The following DCAF8L2 variants were observed in gnomAD, a reference collection of about 807,000 sequenced individuals.
The protein encoded by DCAF8L2 is DDB1- and CUL4-associated factor 8-like protein 2.
For synonymous variants in DCAF8L2, 200 were observed against 190.9 expected, an observed-to-expected ratio of 1.05 and a Z score of -0.39; for missense variants, 430 against 490.7, an observed-to-expected ratio of 0.88 and a Z score of 1.17.
At chrX:27,653,179 A>G (rs187555015) in intron 2 of DCAF8L2, among the ~76,000 whole-genome samples, 28 of 112,002 alleles carry the variant, frequency 2.5e-4, no homozygotes, top group African/African-American at 8.4e-4. Context: ...GCAAAGTCAT[A>G]TTCTGGAGAT....
chrX:27,725,352 T>A (rs1415857945), intron 4 of DCAF8L2, among the ~76,000 whole-genome samples: 2 of 110,989 alleles, frequency 1.8e-5, no homozygotes, highest in African/African-American at 6.5e-5. Context: ...CTGCAAATAC[T>A]ATTTAAGTAT....
At chrX:27,724,816 G>T (rs1035012177) in intron 4 of DCAF8L2, among the ~76,000 whole-genome samples, 2 of 110,328 alleles carry the variant, frequency 1.8e-5, no homozygotes, top group African/African-American at 6.5e-5. Context: ...TATATTCTAG[G>T]TATATTTTTA....
At chrX:27,514,979 G>A in the DCAF8L2 span, among the ~76,000 whole-genome samples, 8 of 111,334 alleles carry the variant, frequency 7.2e-5, no homozygotes, top group African/African-American at 2.6e-4. Context: ...ACAGTAGGGT[G>A]ACTACAGCAA....
At chrX:27,610,605 T>G (rs1217820443) in intron 1 of DCAF8L2, among the ~76,000 whole-genome samples, 1 of 111,706 alleles carries the variant, frequency 9.0e-6, no homozygotes, top group East Asian at 2.8e-4. Flanking sequence ...AGGAAAGTGC[T>G]ATCAGAGTAA....
chrX:27,555,632 A>G, the DCAF8L2 span, among the ~76,000 whole-genome samples: 3 of 112,101 alleles, frequency 2.7e-5, no homozygotes, highest in Non-Finnish European at 5.6e-5. Context: ...CTCTGCAATA[A>G]TGGATAGAAT....
intron 1 of DCAF8L2, among the ~76,000 whole-genome samples, chrX:27,612,412 G>A (rs924320532): frequency 2.7e-5 from 3 of 111,949 alleles, no homozygotes; most frequent in Non-Finnish European, 3.8e-5. Context: ...TCACTATGAC[G>A]GTAGTTTCTT....
chrX:27,701,164 A>G (rs998958995), intron 3 of DCAF8L2, among the ~76,000 whole-genome samples: 1 of 111,524 alleles, frequency 9.0e-6, no homozygotes, highest in Non-Finnish European at 1.9e-5. Context: ...CAGAGTTTTT[A>G]TTAATTCAAC....
chrX:27,723,685 TC>T (rs748682743), intron 4 of DCAF8L2, among the ~76,000 whole-genome samples: 11 of 110,956 alleles, frequency 9.9e-5, no homozygotes, highest in African/African-American at 3.3e-4. Flanking sequence ...CAAATGCAAT[TC>T]CCCTTTGACC....
the DCAF8L2 span, among the ~76,000 whole-genome samples, chrX:27,484,158 A>G: frequency 8.9e-6 from 1 of 111,923 alleles, no homozygotes; most frequent in African/African-American, 3.2e-5. Flanking sequence ...ATTAAACATT[A>G]CTTGTCTATC....
chrX:27,546,910 C>T, the DCAF8L2 span, among the ~76,000 whole-genome samples: 2 of 112,272 alleles, frequency 1.8e-5, no homozygotes, highest in Non-Finnish European at 3.8e-5. Flanking sequence ...AGACATTTTC[C>T]CCATTGTCTT....
the DCAF8L2 span, among the ~76,000 whole-genome samples, chrX:27,489,347 T>C: frequency 8.9e-6 from 1 of 112,324 alleles, no homozygotes; most frequent in South Asian, 3.6e-4. Context: ...TCTGCCCGCC[T>C]CGGCCTCCCA....
intron 3 of DCAF8L2, among the ~76,000 whole-genome samples, chrX:27,707,499 AT>A (rs1931383048): frequency 8.9e-6 from 1 of 111,761 alleles, no homozygotes; most frequent in Non-Finnish European, 1.9e-5. Flanking sequence ...TGGATATGGC[AT>A]TTCTATATGT....
chrX:27,605,350 T>C (rs1048244957), intron 1 of DCAF8L2, among the ~76,000 whole-genome samples: 10 of 111,949 alleles, frequency 8.9e-5, no homozygotes, highest in African/African-American at 3.2e-4. Flanking sequence ...GCTCTAACTA[T>C]GTGAAGGCAC....
At chrX:27,617,958 G>T (rs925396623) in intron 1 of DCAF8L2, among the ~76,000 whole-genome samples, 1 of 111,443 alleles carries the variant, frequency 9.0e-6, no homozygotes, top group Non-Finnish European at 1.9e-5. Flanking sequence ...TGTTATTATG[G>T]TTCTAACATA....
chrX:27,725,315 C>T (rs1188396905), intron 4 of DCAF8L2, among the ~76,000 whole-genome samples: 1 of 110,522 alleles, frequency 9.0e-6, no homozygotes, highest in Admixed American at 9.7e-5. Context: ...GCAAAATGCC[C>T]AAGGAATGCA....
In DCAF8L2 at chrX:27,747,798, G is replaced by A. The variant is rs190261107; in HGVS notation, c.903G>A (p.Glu301=). The A allele has an allele frequency of 2.7e-5, 33 of 1,207,386 alleles. No homozygotes were observed. The highest frequency in any genetic ancestry group is 3.4e-5 in the Non-Finnish European group (30 of 893,507). The change falls in exon 5 of 5, where the codon GAG becomes GAA. Residue 301 remains glutamate (E), a synonymous_variant. Coordinates refer to ENST00000451261, the MANE Select transcript of DCAF8L2 (RefSeq NM_001353450.2). ...GTGATGGGCAGGTACGGGTAGCAGA[G>A]TTAATTAATGCATCATATTTCAACA... is the stretch of plus-strand genomic sequence containing the variant. The part of the protein sequence containing the change: ...CARDGQVRVA[E]LINASYFNNT...
At chrX:27,540,887 T>C in the DCAF8L2 span, among the ~76,000 whole-genome samples, 1 of 111,763 alleles carries the variant, frequency 8.9e-6, no homozygotes, top group African/African-American at 3.3e-5. Context: ...AATAACAATT[T>C]AGAAAAATAA....
At chrX:27,586,472 A>G (rs1925905580), upstream of DCAF8L2, among the ~76,000 whole-genome samples, 1 of 111,491 alleles carries the variant, frequency 9.0e-6, no homozygotes, top group African/African-American at 3.3e-5. Context: ...CTTTTGCACC[A>G]ACATAATGGT....
intron 3 of DCAF8L2, among the ~76,000 whole-genome samples, chrX:27,696,201 GA>G (rs1265081129): frequency 3.1e-4 from 18 of 58,643 alleles, no homozygotes; most frequent in African/African-American, 9.5e-4. Context: ...TCCGTCAGAA[GA>G]AAAAAAAAAG....
Sources: gnomAD v4.1 joint callset for allele counts (sites outside exome capture counted in the v4.1 genomes callset) on GRCh38, gnomAD v4.1.1 for gene constraint, MANE v1.5 for transcripts, NCBI Gene and HGNC (gene_info 2026-07-23, HGNC 2026-07-21) for gene names.